Variants in LUC7L observed in about 807,000 individuals in gnomAD.
LUC7L encodes the protein putative RNA-binding protein Luc7-like 1.
In LUC7L, 29 loss-of-function variants were observed where a neutral mutation model predicts 51.1. The observed-to-expected ratio is 0.57, with a 90% CI of 0.42 to 0.77. The LOEUF is 0.77. Ranked by LOEUF, LUC7L falls within the 30% of genes least tolerant of loss-of-function variation. The pLI, the probability that LUC7L is intolerant of heterozygous loss-of-function variation, is 0.00. For missense variants in LUC7L, 403 were observed against 511.9 expected (o/e 0.79, Z 2.05); for synonymous variants, 181 against 180.7 (o/e 1.00, Z -0.01).
chr16:199,128 TGCCAG>T lies in LUC7L; in HGVS notation c.616_620del (p.Leu206ArgfsTer19). On this transcript the variant is annotated frameshift_variant, in exon 6 of 10. Transcript: ENST00000293872. LOFTEE classifies it high-confidence loss of function. ...AGTGTAACTTGCCACCGAAGTGGTC[TGCCAG>T]GCGACGGTCATTGTCATGGAGACCA... The T allele has an allele frequency of 6.2e-7, 1 of 1,613,830 alleles. No individual in the cohort carries two copies.
intron 6 of LUC7L, among the ~76,000 whole-genome samples, chr16:193,217 C>T (rs910442459): frequency 4.6e-5 from 7 of 151,776 alleles, no homozygotes; most frequent in Admixed American, 2.6e-4. Flanking sequence ...GGCGTGATCT[C>T]GGCTCACTGC....
intron 7 of LUC7L, among the ~76,000 whole-genome samples, chr16:191,839 G>T (rs1259660041): frequency 6.6e-6 from 1 of 152,168 alleles, no homozygotes; most frequent in East Asian, 1.9e-4. Flanking sequence ...GCGAGACCCT[G>T]TCTCAAAAAC....
intron 3 of LUC7L, among the ~76,000 whole-genome samples, chr16:216,623 GC>G (rs1322587769): frequency 2.6e-5 from 4 of 151,902 alleles, no homozygotes; most frequent in African/African-American, 9.7e-5. Context: ...CTCGTGATCT[GC>G]CCGCCTCGGC....
intron 5 of LUC7L, among the ~76,000 whole-genome samples, chr16:203,113 A>C (rs1003274593): frequency 5.3e-5 from 8 of 152,178 alleles, no homozygotes; most frequent in Admixed American, 1.3e-4. Context: ...GCACCACCGC[A>C]CTCCAGCCTG....
chr16:192,077 C>G (rs1235556750), intron 7 of LUC7L, among the ~76,000 whole-genome samples: 1 of 152,080 alleles, frequency 6.6e-6, no homozygotes, highest in Non-Finnish European at 1.5e-5. Flanking sequence ...TCCAATACAC[C>G]ACACCCAGCC....
At chr16:228,043 G>A (rs1195751423) in intron 1 of LUC7L, 2 of 1,138,370 alleles carry the variant, frequency 1.8e-6, no homozygotes, top group Non-Finnish European at 2.2e-6. Context: ...GTTGAAAAGT[G>A]TTAAAGGAAA....
intron 2 of LUC7L, among the ~76,000 whole-genome samples, chr16:224,249 T>C (rs147753021): frequency 9.6e-4 from 146 of 152,114 alleles, no homozygotes; most frequent in Admixed American, 2.9e-3. Flanking sequence ...CCGAGCGCGG[T>C]GGCTCATGCC....
intron 6 of LUC7L, among the ~76,000 whole-genome samples, chr16:198,436 T>C (rs903390509): frequency 6.6e-6 from 1 of 152,060 alleles, no homozygotes; most frequent in African/African-American, 2.4e-5. Context: ...GGAGCCAGGA[T>C]GTGTGACACT....
In LUC7L at chr16:210,180, C is replaced by T. The variant is rs111288457; in HGVS notation, c.256-1992G>A. Among the ~76,000 whole-genome samples, 6 of 152,124 alleles carry T rather than the reference C, an allele frequency of 3.9e-5. 1 individual carries two copies. In the East Asian group the frequency reaches 5.8e-4, roughly 15 times the overall value. ...TGCATGCCTGTAATCCCAGCTACTT[C>T]GGAGGCTGAGGCAGGAGAACTGCTT... On this transcript the variant is annotated intron_variant, in intron 3 of 9. Transcript: ENST00000293872.
At chr16:217,967 G>A (rs1207072440) in intron 3 of LUC7L, among the ~76,000 whole-genome samples, 1 of 150,662 alleles carries the variant, frequency 6.6e-6, no homozygotes, top group African/African-American at 2.4e-5. Context: ...GGAGGTTGCA[G>A]TGAGCCGAGA....
chr16:205,564 T>C (rs187319723), intron 5 of LUC7L, among the ~76,000 whole-genome samples: 226 of 152,298 alleles, frequency 1.5e-3, no homozygotes, highest in Non-Finnish European at 4.0e-4. Context: ...AATTTAGCTA[T>C]GAAGCTAAAA....
intron 2 of LUC7L, among the ~76,000 whole-genome samples, chr16:224,826 C>T (rs563724596): frequency 6.6e-6 from 1 of 151,492 alleles, no homozygotes; most frequent in Admixed American, 6.6e-5. Flanking sequence ...AGTGAGACTC[C>T]GTCTGAAAAA....
At chr16:203,839 A>C (rs2049403080) in intron 5 of LUC7L, among the ~76,000 whole-genome samples, 1 of 151,948 alleles carries the variant, frequency 6.6e-6, no homozygotes, top group Admixed American at 6.6e-5. Context: ...ACACGGTTAA[A>C]TCATATCTCT....
chr16:217,970 A>G (rs1476534518), intron 3 of LUC7L, among the ~76,000 whole-genome samples: 2 of 149,832 alleles, frequency 1.3e-5, no homozygotes, highest in South Asian at 2.1e-4. Context: ...GGTTGCAGTG[A>G]GCCGAGATCA....
chr16:193,051 T>C (rs1396080680), intron 6 of LUC7L, 36 bp from the exon 7 acceptor site: 1 of 1,535,586 alleles, frequency 6.5e-7, no homozygotes, highest in Admixed American at 1.7e-5. Context: ...GAAGAGCAAG[T>C]TACACAAACC....
intron 6 of LUC7L, among the ~76,000 whole-genome samples, chr16:193,423 G>T (rs1226186124): frequency 6.6e-6 from 1 of 152,074 alleles, no homozygotes; most frequent in Non-Finnish European, 1.5e-5. Context: ...GGGATTACAG[G>T]CATGAGCCAC....
chr16:196,261 A>G (rs1347087145), intron 6 of LUC7L, among the ~76,000 whole-genome samples: 1 of 152,022 alleles, frequency 6.6e-6, no homozygotes, highest in African/African-American at 2.4e-5. Context: ...CACAAAAATG[A>G]GCCAGGCATG....
intron 3 of LUC7L, among the ~76,000 whole-genome samples, chr16:210,871 G>A (rs1217709913): frequency 2.0e-5 from 3 of 150,252 alleles, no homozygotes; most frequent in African/African-American, 7.4e-5. Context: ...CTAACACAGT[G>A]AAACCCCGTC....
At chr16:191,385 G>T (rs753834759) in intron 7 of LUC7L, among the ~76,000 whole-genome samples, 1 of 152,190 alleles carries the variant, frequency 6.6e-6, no homozygotes, top group Non-Finnish European at 1.5e-5. Flanking sequence ...TTCTATGCCC[G>T]TAAGCCATTA....
Sources: allele counts gnomAD v4.1 joint callset (sites outside exome capture counted in the v4.1 genomes callset), GRCh38; gene constraint gnomAD v4.1.1; transcripts MANE v1.5; gene names NCBI Gene and HGNC (gene_info 2026-07-23, HGNC 2026-07-21).